SSH2: variants seen among roughly 807,000 people sequenced by gnomAD.
The protein encoded by SSH2 is protein phosphatase Slingshot homolog 2.
SSH2 carries 37 observed loss-of-function variants against 135.2 expected under a neutral mutation model. The observed-to-expected ratio is 0.27, with a 90% CI of 0.21 to 0.36. SSH2 has a LOEUF of 0.36. SSH2 is among the 10% of genes least tolerant of loss of function. The probability of loss-of-function intolerance (pLI) is 1.00; values close to 1 mark genes in which losing one functional copy is unlikely to be tolerated. For missense variants in SSH2, 1,408 were observed against 1,765.3 expected, an observed-to-expected ratio of 0.80 and a Z score of 3.63; for synonymous variants, 628 against 646.2, an observed-to-expected ratio of 0.97 and a Z score of 0.43.
chr17:29,722,083 T>C (rs1223835763), intron 3 of SSH2, among the ~76,000 whole-genome samples: 2 of 152,048 alleles, frequency 1.3e-5, no homozygotes, highest in Non-Finnish European at 2.9e-5. Flanking sequence ...AAGACCAGCC[T>C]AGTCAAGATG....
intron 1 of SSH2, among the ~76,000 whole-genome samples, chr17:29,875,644 T>C (rs755944174): frequency 2.0e-5 from 3 of 152,238 alleles, no homozygotes; most frequent in Non-Finnish European, 4.4e-5. Flanking sequence ...CATCCTTATC[T>C]ACTTCTCCAT....
chr17:29,815,123 A>ATT lies in SSH2; in HGVS notation c.145-21188_145-21187dup, dbSNP rs71360722. ...ACCATCACACCTAGCTATTTTTTGT[A>ATT]TTTTTTTTTTTTTTTTTTTTGAGAC... is the stretch of plus-strand genomic sequence containing the variant. On this transcript the variant is annotated intron_variant, in intron 2 of 15. Transcript: ENST00000540801. Among the ~76,000 whole-genome samples, 28 of 97,994 alleles carry ATT rather than the reference A, an allele frequency of 2.9e-4. 1 individual carries two copies. The South Asian group carries it at 6.5e-3, about 23-fold the overall frequency. The allele number at this position is 97,994 out of a possible 152,430, so 64.3% of individuals were successfully genotyped here. A position where few individuals can be genotyped will look rare whatever the true frequency, so the allele number is the denominator to read the frequency against.
chr17:29,739,871 T>C (rs916851700), intron 3 of SSH2, among the ~76,000 whole-genome samples: 2 of 152,244 alleles, frequency 1.3e-5, no homozygotes, highest in Non-Finnish European at 2.9e-5. Context: ...AAATCTCCAA[T>C]ACATCACAAT....
At chr17:29,681,504 A>C (rs976888020) in intron 6 of SSH2, among the ~76,000 whole-genome samples, 6 of 151,794 alleles carry the variant, frequency 4.0e-5, no homozygotes, top group African/African-American at 1.5e-4. Context: ...ATTCAATAAA[A>C]ATTTATTTAG....
intron 3 of SSH2, among the ~76,000 whole-genome samples, chr17:29,766,015 G>A (rs562528665): frequency 1.0e-3 from 85 of 83,570 alleles, no homozygotes; most frequent in Middle Eastern, 9.8e-3. Flanking sequence ...GTGAGACTCC[G>A]TCTCCAAAAA....
intron 1 of SSH2, among the ~76,000 whole-genome samples, chr17:29,926,765 T>C (rs1389581012): frequency 2.0e-5 from 3 of 152,186 alleles, no homozygotes; most frequent in Non-Finnish European, 2.9e-5. Context: ...CCTTCAGATA[T>C]GCCCTGTACT....
chr17:29,875,057 A>G (rs1171175390), intron 1 of SSH2, among the ~76,000 whole-genome samples: 2 of 152,186 alleles, frequency 1.3e-5, no homozygotes, highest in Non-Finnish European at 2.9e-5. Flanking sequence ...TCATAAAGTC[A>G]TAAAATCATT....
chr17:29,732,386 TAGAAAC>T (rs2040226704), intron 3 of SSH2, among the ~76,000 whole-genome samples: 1 of 152,280 alleles, frequency 6.6e-6, no homozygotes. Flanking sequence ...GACAATGAAA[TAGAAAC>T]AGAAGCCACC....
intron 2 of SSH2, among the ~76,000 whole-genome samples, chr17:29,822,359 G>A (rs2151345597): frequency 6.6e-6 from 1 of 152,054 alleles, no homozygotes; most frequent in Non-Finnish European, 1.5e-5. Flanking sequence ...ATGAGCCAGG[G>A]ACCCTTTTTT....
In SSH2 at chr17:29,761,068, C is replaced by G. The variant is rs1458204410; in HGVS notation, c.188+32826G>C. ...CTCGCCCTCGCTTGATTGTTTGCTC[C>G]CCAGGATGCTGGGGAAAGCGGCTGC... On this transcript the variant is annotated intron_variant, in intron 3 of 15. Coordinates refer to ENST00000540801, the MANE Select transcript of SSH2 (RefSeq NM_001282129.2). The G allele has an allele frequency of 5.5e-6, 7 of 1,268,600 alleles. No individual in the cohort carries two copies. The South Asian group carries it at 8.7e-5, about 16-fold the overall frequency. The allele number at this position is 1,268,600 out of a possible 1,614,324, so 78.6% of individuals were successfully genotyped here.
At chr17:29,761,205 T>C (rs1190881931) in intron 3 of SSH2, 8 of 1,289,266 alleles carry the variant, frequency 6.2e-6, no homozygotes, top group Middle Eastern at 4.2e-4. Flanking sequence ...TAAGGAATCA[T>C]GTCGGGGCCA....
chr17:29,823,639 AGGCCAAGGTG>A (rs1369973542), intron 2 of SSH2, among the ~76,000 whole-genome samples: 1 of 152,112 alleles, frequency 6.6e-6, no homozygotes, highest in Non-Finnish European at 1.5e-5. Context: ...GCACTTTGGG[AGGCCAAGGTG>A]GGCAGATCAC....
intron 2 of SSH2, among the ~76,000 whole-genome samples, chr17:29,809,862 T>TA (rs1369621422): frequency 6.6e-6 from 1 of 152,092 alleles, no homozygotes; most frequent in African/African-American, 2.4e-5. Context: ...CAGCCCTACT[T>TA]ATCTTTTAGA....
In SSH2 at chr17:29,629,190, G is replaced by A. The variant is rs944817707; in HGVS notation, c.*1651C>T. 2.0e-5 allele frequency: 3 copies of A among 152,456 alleles called. No individual in the cohort carries two copies. The highest frequency in any genetic ancestry group is 4.4e-5 in the Non-Finnish European group (3 of 68,054). 9.4% of individuals were successfully genotyped at this position (152,456 alleles called of 1,614,324 possible). ...TTTATGACAGGCGCTGCTGCGTTAA[G>A]GATCTCCACAACAGTAGCAAAACGA... On this transcript the variant is annotated 3_prime_UTR_variant, in exon 16 of 16. Coordinates refer to ENST00000540801, the MANE Select transcript of SSH2 (RefSeq NM_001282129.2).
intron 8 of SSH2, among the ~76,000 whole-genome samples, chr17:29,673,086 A>G (rs549305884): frequency 1.3e-4 from 20 of 152,268 alleles, no homozygotes; most frequent in African/African-American, 4.8e-4. Flanking sequence ...AACAAACAGA[A>G]AAGTATGTTT....
intron 3 of SSH2, among the ~76,000 whole-genome samples, chr17:29,739,327 G>C (rs2040480412): frequency 6.6e-6 from 1 of 152,204 alleles, no homozygotes; most frequent in African/African-American, 2.4e-5. Flanking sequence ...CAGAATTGGT[G>C]TAATGCTCTG....
In SSH2 at chr17:29,670,181, G is replaced by A. The variant is rs148107196; in HGVS notation, c.809+1754C>T. 6.3e-4 allele frequency among the ~76,000 whole-genome samples: 95 copies of A among 151,974 alleles called. No homozygotes were observed. The East Asian group carries it at 0.015, about 24-fold the overall frequency. ...ACAGGCATGAGCCACCACCCACCACGCCCGACTGTCTCTAATAAAATATGG... is the reference window on the plus strand; with the variant it reads ...ACAGGCATGAGCCACCACCCACCACACCCGACTGTCTCTAATAAAATATGG... On this transcript the variant is annotated intron_variant, in intron 9 of 15. Transcript: ENST00000540801.
intron 2 of SSH2, among the ~76,000 whole-genome samples, chr17:29,826,595 C>T (rs1023051516): frequency 6.6e-6 from 1 of 152,168 alleles, no homozygotes; most frequent in Non-Finnish European, 1.5e-5. Context: ...TTCTCTTTGA[C>T]TTTGCTTTCT....
At chr17:29,743,802 G>C (rs2040652331) in intron 3 of SSH2, among the ~76,000 whole-genome samples, 1 of 151,080 alleles carries the variant, frequency 6.6e-6, no homozygotes, top group African/African-American at 2.4e-5. Context: ...CATTTGGTTA[G>C]AATCACTAAA....
Sources: allele counts gnomAD v4.1 joint callset (sites outside exome capture counted in the v4.1 genomes callset), GRCh38; gene constraint gnomAD v4.1.1; transcripts MANE v1.5; gene names NCBI Gene and HGNC (gene_info 2026-07-23, HGNC 2026-07-21).